COL23A1: variants seen among roughly 807,000 people sequenced by gnomAD.
The protein encoded by COL23A1 is collagen alpha-1(XXIII) chain.
A neutral mutation model predicts 99.3 loss-of-function variants in COL23A1; 97 were observed. The observed-to-expected ratio is 0.98, with a 90% CI of 0.83 to 1.16. The LOEUF is 1.16. COL23A1 is among the 50% of genes most tolerant of loss of function. The pLI, the probability that COL23A1 is intolerant of heterozygous loss-of-function variation, is 0.00. For synonymous variants in COL23A1, 320 were observed against 308.2 expected, an observed-to-expected ratio of 1.04 and a Z score of -0.40; for missense variants, 762 against 757.4, an observed-to-expected ratio of 1.01 and a Z score of -0.07.
At chr5:178,576,323 C>A (rs906909486) in intron 1 of COL23A1, among the ~76,000 whole-genome samples, 2 of 152,194 alleles carry the variant, frequency 1.3e-5, no homozygotes, top group Admixed American at 6.5e-5. Context: ...ACTGCAACCT[C>A]CGCCTCCCGG....
chr5:178,238,883 T>C (rs1764246142), intron 28 of COL23A1, among the ~76,000 whole-genome samples, 183 bp from the exon 29 acceptor site: 1 of 152,074 alleles, frequency 6.6e-6, no homozygotes, highest in South Asian at 2.1e-4. Flanking sequence ...CCCTGCCTGG[T>C]CCAGGTGTCA....
At chr5:178,249,683 AACACACAC>A (rs746295532) in intron 18 of COL23A1, among the ~76,000 whole-genome samples, 4 of 118,328 alleles carry the variant, frequency 3.4e-5, no homozygotes, top group Non-Finnish European at 4.9e-5. Flanking sequence ...TGTATAGGAT[AACACACAC>A]ACACACACAC....
chr5:178,484,517 C>T (rs893816102), intron 2 of COL23A1, among the ~76,000 whole-genome samples: 7 of 151,980 alleles, frequency 4.6e-5, no homozygotes, highest in South Asian at 4.2e-4. Context: ...GTCTGGCTCC[C>T]GAAACTGTAA....
chr5:178,491,142 A>G (rs955372122), intron 2 of COL23A1, among the ~76,000 whole-genome samples: 1 of 151,552 alleles, frequency 6.6e-6, no homozygotes, highest in Non-Finnish European at 1.5e-5. Flanking sequence ...AGACAAAGAG[A>G]TAGGAGGAGA....
Position 178,358,354 on chromosome 5 carries a change from GTA to G in COL23A1, c.362-51437_362-51436del, listed in dbSNP as rs1166892605. On this transcript the variant is annotated intron_variant, in intron 2 of 28. Transcript: ENST00000390654. ...TGTATGTCTAATGTGTGTATTGTGT[GTA>G]TGTGTATGTGTACGTGTGTATGTCT... is the stretch of plus-strand genomic sequence containing the variant. Among the ~76,000 whole-genome samples the G allele has an allele frequency of 8.9e-4, 133 of 149,934 alleles. 1 individual carries two copies. Among genetic ancestry groups the G allele is most frequent in the African/African-American group, 3.1e-3 (127 of 40,908 alleles).
chr5:178,402,996 T>C (rs368497261), intron 2 of COL23A1, among the ~76,000 whole-genome samples: 2 of 151,518 alleles, frequency 1.3e-5, no homozygotes, highest in East Asian at 1.9e-4. Context: ...CAGTCCCAGC[T>C]ACTCAGGAGG....
Position 178,293,133 on chromosome 5 carries a change from G to A in COL23A1, c.407-2764C>T, listed in dbSNP as rs574859370. Among the ~76,000 whole-genome samples the A allele has an allele frequency of 3.9e-5, 6 of 152,196 alleles. No individual in the cohort carries two copies. The South Asian group carries it at 1.0e-3, about 26-fold the overall frequency. On this transcript the variant is annotated intron_variant, in intron 3 of 28. Coordinates refer to ENST00000390654, the MANE Select transcript of COL23A1 (RefSeq NM_173465.4). ...GGAGGAAATGAACAGTTGCTTTGTGGGAGTGGGGCCTGGAGATGGATATGG... is the reference window on the plus strand; with the variant it reads ...GGAGGAAATGAACAGTTGCTTTGTGAGAGTGGGGCCTGGAGATGGATATGG...
chr5:178,345,376 C>A (rs536725839), intron 2 of COL23A1: 160 of 436,746 alleles, frequency 3.7e-4, no homozygotes, highest in Non-Finnish European at 6.5e-4. Context: ...GCTTATTAGA[C>A]CTTTTGAAAC....
rs1761637204 is a variant in COL23A1 at position 178,356,156 on chromosome 5, T to TAGGCAA, written c.362-49243_362-49238dup. Reference sequence around the variant, plus strand: ...GCCCCACTCTAAGAAATGTCCAGAATAGGCAAAGCCACAGAGACGGGAAGC... The same window carrying TAGGCAA: ...GCCCCACTCTAAGAAATGTCCAGAATAGGCAAAGGCAAAGCCACAGAGACGGGAAGC... On this transcript the variant is annotated intron_variant, in intron 2 of 28. Coordinates refer to ENST00000390654, the MANE Select transcript of COL23A1 (RefSeq NM_173465.4). 3.9e-5 allele frequency among the ~76,000 whole-genome samples: 6 copies of TAGGCAA among 152,178 alleles called. No homozygotes were observed. The South Asian group carries it at 1.2e-3, about 32-fold the overall frequency.
At chr5:178,339,984 G>A (rs1014008114) in intron 2 of COL23A1, among the ~76,000 whole-genome samples, 3 of 152,192 alleles carry the variant, frequency 2.0e-5, no homozygotes, top group African/African-American at 7.2e-5. Context: ...CTTATGATTA[G>A]GTGGTGGGAT....
chr5:178,380,001 T>C (rs1038956010), intron 2 of COL23A1, among the ~76,000 whole-genome samples: 7 of 152,182 alleles, frequency 4.6e-5, no homozygotes, highest in South Asian at 2.1e-4. Context: ...CAGCCTCAGG[T>C]TGGAGCTGGA....
At chr5:178,327,315 C>T (rs6863023) in intron 2 of COL23A1, among the ~76,000 whole-genome samples, 70,623 of 151,942 alleles carry the variant, frequency 0.46, 17,386 homozygotes, top group Non-Finnish European at 0.55. Context: ...ATTAGAGACA[C>T]GTGCAGGTGC....
chr5:178,358,405 GTGTGTA>G lies in COL23A1; in HGVS notation c.362-51492_362-51487del, dbSNP rs1430779409. Among the ~76,000 whole-genome samples, 16 of 123,614 alleles carry G rather than the reference GTGTGTA, an allele frequency of 1.3e-4. No homozygotes were observed. In the South Asian group the frequency reaches 2.1e-3, roughly 16 times the overall value. 81.1% of individuals were successfully genotyped at this position (123,614 alleles called of 152,430 possible). On this transcript the variant is annotated intron_variant, in intron 2 of 28. Coordinates refer to ENST00000390654, the MANE Select transcript of COL23A1 (RefSeq NM_173465.4). ...CTAATGTGTGTATGTGTATGTGTAT[GTGTGTA>G]TGTGTATGTGTGTGTATGTGTATGT... is the stretch of plus-strand genomic sequence containing the variant.
intron 17 of COL23A1, 28 bp downstream of exon 17, chr5:178,252,516 G>A: frequency 6.2e-7 from 1 of 1,601,938 alleles, no homozygotes; most frequent in Non-Finnish European, 8.5e-7. Flanking sequence ...AAATGCTTGG[G>A]GGACCACATA....
chr5:178,268,749 G>C lies in COL23A1; in HGVS notation c.476C>G (p.Pro159Arg). 6.2e-7 allele frequency: 1 copy of C among 1,603,708 alleles called. No homozygotes were observed. The highest frequency in any genetic ancestry group is 8.5e-7 in the Non-Finnish European group (1 of 1,173,582). The change falls in exon 7 of 29, where the codon CCA (proline) becomes CGA (arginine). Residue 159 changes from proline (P) to arginine (R), a missense_variant. Physicochemically the swap from Pro to Arg is moderately radical, Grantham distance 103. Coordinates refer to ENST00000390654, the MANE Select transcript of COL23A1 (RefSeq NM_173465.4). ...ACTTACCTTTTCCCCTTTCGGGCCT[G>C]GAAGTCCCTGGAAAAGGAAAGTGGA... Reference protein sequence around the residue: ...PLGLDGKPGLPGPKGEKGAPG... With the variant: ...PLGLDGKPGLRGPKGEKGAPG...
rs181176264 is a variant in COL23A1 at position 178,352,544 on chromosome 5, T to C, written c.362-45625A>G. Among the ~76,000 whole-genome samples, 998 of 152,322 alleles carry C rather than the reference T, an allele frequency of 6.6e-3. 4 individuals are homozygous for C. The highest frequency in any genetic ancestry group is 0.011 in the Non-Finnish European group (747 of 68,026). ...AGTTTGAATTACAATAGATAAAATA[T>C]AGAAGCACAGCTCCTCTTGACCTCT... On this transcript the variant is annotated intron_variant, in intron 2 of 28. Transcript: ENST00000390654.
At chr5:178,450,844 C>T (rs1767446594) in intron 2 of COL23A1, among the ~76,000 whole-genome samples, 1 of 152,156 alleles carries the variant, frequency 6.6e-6, no homozygotes, top group Admixed American at 6.5e-5. Flanking sequence ...AAGTGGGCAA[C>T]GTTATCATGA....
At chr5:178,525,070 A>G (rs4355536) in intron 2 of COL23A1, among the ~76,000 whole-genome samples, 18,482 of 95,562 alleles carry the variant, frequency 0.19, 938 homozygotes, top group East Asian at 0.5. Flanking sequence ...CGCAGACCCC[A>G]GGACCCGAAG....
At chr5:178,518,816 G>A (rs1213853841) in intron 2 of COL23A1, among the ~76,000 whole-genome samples, 7 of 149,026 alleles carry the variant, frequency 4.7e-5, no homozygotes, top group African/African-American at 1.7e-4. Context: ...CTCGGGCCCC[G>A]CGGGGCCCGT....
Sources: allele counts gnomAD v4.1 joint callset (sites outside exome capture counted in the v4.1 genomes callset), GRCh38; gene constraint gnomAD v4.1.1; transcripts MANE v1.5; gene names NCBI Gene and HGNC (gene_info 2026-07-23, HGNC 2026-07-21).